CLIC5: variants seen among roughly 807,000 people sequenced by gnomAD.
CLIC5 encodes chloride intracellular channel protein 5.
CLIC5 carries 20 observed loss-of-function variants against 24.7 expected under a neutral mutation model. The ratio of observed to expected loss-of-function variants is 0.81; its 90% CI spans 0.57 to 1.18. The LOEUF (loss-of-function observed/expected upper bound fraction) is 1.18, where lower values mean the gene tolerates loss of function less well. Among genes scored for constraint, CLIC5 ranks in the 50% most tolerant of loss-of-function variants. The pLI, the probability that CLIC5 is intolerant of heterozygous loss-of-function variation, is 0.00. For missense variants in CLIC5, 341 were observed against 326.1 expected (o/e 1.05, Z -0.35); for synonymous variants, 159 against 135.6 (o/e 1.17, Z -1.20).
chr6:46,077,335 A>G (rs1341559071), intron 1 of CLIC5, among the ~76,000 whole-genome samples: 1 of 152,086 alleles, frequency 6.6e-6, no homozygotes, highest in African/African-American at 2.4e-5. Context: ...GAATACAAGT[A>G]TCAATGCAGC....
chr6:46,116,169 C>T, the CLIC5 span, among the ~76,000 whole-genome samples: 2 of 150,060 alleles, frequency 1.3e-5, no homozygotes, highest in South Asian at 2.1e-4. Context: ...GAGAATTTGA[C>T]GCCTTTAGGG....
Position 45,959,842 on chromosome 6 carries a change from G to A in CLIC5, c.64-4598C>T, listed in dbSNP as rs539564753. On this transcript the variant is annotated intron_variant, in intron 1 of 5. Transcript: ENST00000339561. ...CCCATTTCATCAACCAGAATGTTTA[G>A]AAGACATGTATGCAAAGGTTGAGAT... Among the ~76,000 whole-genome samples the A allele has an allele frequency of 3.3e-5, 5 of 152,280 alleles. No homozygotes were observed. The East Asian group carries it at 9.6e-4, about 29-fold the overall frequency.
At chr6:45,979,959 T>TTC (rs945981618) in intron 1 of CLIC5, among the ~76,000 whole-genome samples, 2 of 149,066 alleles carry the variant, frequency 1.3e-5, no homozygotes, top group African/African-American at 4.9e-5. Context: ...CACTTTTTTT[T>TTC]TTTTTTTTTT....
intron 1 of CLIC5, among the ~76,000 whole-genome samples, chr6:46,067,113 G>A (rs1360107469): frequency 4.6e-5 from 7 of 152,084 alleles, no homozygotes; most frequent in East Asian, 1.9e-4. Context: ...TTGCAATTTC[G>A]TTCCAAGGGA....
At chr6:46,085,579 C>T in the CLIC5 span, among the ~76,000 whole-genome samples, 2 of 152,196 alleles carry the variant, frequency 1.3e-5, no homozygotes, top group Non-Finnish European at 2.9e-5. Flanking sequence ...GTGGTGGCTG[C>T]AGAACAGCAG....
chr6:46,088,161 C>CTGTGTGTG, the CLIC5 span, among the ~76,000 whole-genome samples: 7,950 of 146,378 alleles, frequency 0.054, 276 homozygotes, highest in South Asian at 0.11. Flanking sequence ...CGCTCTCTTT[C>CTGTGTGTG]TGTGTGTGTG....
intron 5 of CLIC5, among the ~76,000 whole-genome samples, chr6:45,906,065 T>C (rs1236123036): frequency 6.6e-6 from 1 of 152,206 alleles, no homozygotes; most frequent in African/African-American, 2.4e-5. Context: ...GTTCCATTCA[T>C]CTATGTGTCT....
chr6:45,941,949 A>G (rs376513069), intron 3 of CLIC5, among the ~76,000 whole-genome samples: 1 of 152,134 alleles, frequency 6.6e-6, no homozygotes, highest in South Asian at 2.1e-4. Context: ...GGGACCACCA[A>G]TAAGGATGTG....
intron 1 of CLIC5, among the ~76,000 whole-genome samples, chr6:45,971,163 C>T (rs961336191): frequency 6.6e-6 from 1 of 152,166 alleles, no homozygotes; most frequent in African/African-American, 2.4e-5. Context: ...TTTTGGGTAC[C>T]ACATTCTAAT....
chr6:45,979,526 T>C (rs1765497577), intron 1 of CLIC5, among the ~76,000 whole-genome samples: 1 of 152,252 alleles, frequency 6.6e-6, no homozygotes, highest in African/African-American at 2.4e-5. Flanking sequence ...TCCAGCCTTC[T>C]GCCTTGTCCT....
intron 6 of CLIC5, among the ~76,000 whole-genome samples, chr6:45,888,520 C>T (rs928578199): frequency 1.3e-5 from 2 of 152,150 alleles, no homozygotes; most frequent in Non-Finnish European, 1.5e-5. Context: ...AAGAGAAGCA[C>T]ATGGCCAGTT....
the CLIC5 span, among the ~76,000 whole-genome samples, chr6:46,107,991 G>A: frequency 7.2e-5 from 9 of 124,398 alleles, no homozygotes; most frequent in East Asian, 1.5e-3. Flanking sequence ...CAGAGATCAC[G>A]CCATTGCACT....
At chr6:46,018,579 A>G (rs1411892063), upstream of CLIC5, among the ~76,000 whole-genome samples, 1 of 152,254 alleles carries the variant, frequency 6.6e-6, no homozygotes, top group Non-Finnish European at 1.5e-5. Flanking sequence ...TCAAGATAAA[A>G]GGACTTTACT....
At chr6:46,127,773 A>C in the CLIC5 span, among the ~76,000 whole-genome samples, 1 of 152,176 alleles carries the variant, frequency 6.6e-6, no homozygotes, top group Non-Finnish European at 1.5e-5. Context: ...GCTGGCTTAG[A>C]TTTGGATATG....
rs1229395302 is a variant in CLIC5, at chr6:46,080,271, G to C, written c.-29C>G. ...TATTGATCCGAGAGATCTGTTTACA[G>C]GGAGACCTGAGTAGATCTGAAATGA... On this transcript the variant is annotated 5_prime_UTR_variant, in exon 1 of 6. Transcript: ENST00000185206. 3.3e-6 allele frequency: 5 copies of C among 1,529,790 alleles called. 1 individual carries two copies. Among genetic ancestry groups the C allele is most frequent in the Middle Eastern group, 1.7e-4 (1 of 5,914 alleles). The allele number at this position is 1,529,790 out of a possible 1,614,324, so 94.8% of individuals were successfully genotyped here. A position where few individuals can be genotyped will look rare whatever the true frequency, so the allele number is the denominator to read the frequency against.
At chr6:45,931,065 T>C (rs945345725) in intron 4 of CLIC5, among the ~76,000 whole-genome samples, 1 of 151,968 alleles carries the variant, frequency 6.6e-6, no homozygotes. Flanking sequence ...GAATAATATT[T>C]CATGAAGTGA....
At chr6:46,028,936 C>A (rs549350429) in intron 1 of CLIC5, among the ~76,000 whole-genome samples, 2 of 151,998 alleles carry the variant, frequency 1.3e-5, no homozygotes, top group Non-Finnish European at 2.9e-5. Context: ...GTATTTTCAC[C>A]GCCCTAAATA....
chr6:46,079,937 G>C, exon 1 of CLIC5: 3 of 1,551,706 alleles, frequency 1.9e-6, no homozygotes, highest in Non-Finnish European at 2.6e-6. Context: ...AGATGCCCCT[G>C]TCCTCCTGGG....
chr6:45,892,540 C>T (rs7748705), intron 6 of CLIC5, among the ~76,000 whole-genome samples: 1,562 of 152,260 alleles, frequency 0.01, 24 homozygotes, highest in African/African-American at 0.036. Context: ...GGGTGCAGTG[C>T]GGGCTTTGTT....
Sources: gnomAD v4.1 joint callset for allele counts (sites outside exome capture counted in the v4.1 genomes callset) on GRCh38, gnomAD v4.1.1 for gene constraint, MANE v1.5 for transcripts, NCBI Gene and HGNC (gene_info 2026-07-23, HGNC 2026-07-21) for gene names.